Variants in PCSK5 observed in about 807,000 individuals in gnomAD.
PCSK5 encodes prohormone convertase 5.
A neutral mutation model predicts 233.2 loss-of-function variants in PCSK5; 129 were observed. The ratio of observed to expected loss-of-function variants is 0.55; its 90% CI spans 0.48 to 0.64. The LOEUF is 0.64. PCSK5 is among the 30% of genes least tolerant of loss of function. The probability of loss-of-function intolerance (pLI) is 0.00; values close to 1 mark genes in which losing one functional copy is unlikely to be tolerated. For missense variants in PCSK5, 2,076 were observed against 2,430.1 expected, an observed-to-expected ratio of 0.85 and a Z score of 3.06; for synonymous variants, 825 against 879.2, an observed-to-expected ratio of 0.94 and a Z score of 1.09.
intron 24 of PCSK5, among the ~76,000 whole-genome samples, chr9:76,255,924 C>T (rs1463011395): frequency 6.6e-6 from 1 of 152,186 alleles, no homozygotes; most frequent in Non-Finnish European, 1.5e-5. Context: ...AGTTACACAG[C>T]TAGCAAGTGT....
chr9:75,997,675 G>A (rs1166547195), intron 3 of PCSK5, among the ~76,000 whole-genome samples: 2 of 152,172 alleles, frequency 1.3e-5, no homozygotes, highest in Admixed American at 6.5e-5. Context: ...GGTTCAGAAT[G>A]CAGAGGTGTT....
chr9:76,239,404 T>C (rs887952903), intron 23 of PCSK5, among the ~76,000 whole-genome samples: 1 of 152,034 alleles, frequency 6.6e-6, no homozygotes, highest in Non-Finnish European at 1.5e-5. Flanking sequence ...CTTAAGTGTA[T>C]AGAAAATTGG....
chr9:76,110,240 T>TC, intron 9 of PCSK5, among the ~76,000 whole-genome samples: 1 of 152,194 alleles, frequency 6.6e-6, no homozygotes, highest in Non-Finnish European at 1.5e-5. Context: ...CTGCCAGGGT[T>TC]CATTCAGTAA....
intron 21 of PCSK5, among the ~76,000 whole-genome samples, chr9:76,229,060 A>G (rs1825989214): frequency 6.6e-6 from 1 of 152,216 alleles, no homozygotes; most frequent in Non-Finnish European, 1.5e-5. Context: ...AGGAGAAAGG[A>G]CCGAAGAAGA....
At position 76,046,187 on chromosome 9, in the gene PCSK5, T is replaced by G. The variant is rs1298315585; in HGVS notation, c.632+19150T>G. 5.6e-4 allele frequency among the ~76,000 whole-genome samples: 59 copies of G among 104,650 alleles called. 1 individual carries two copies. The highest frequency in any genetic ancestry group is 4.9e-3 in the Middle Eastern group (1 of 204). 68.7% of individuals were successfully genotyped at this position (104,650 alleles called of 152,430 possible). On this transcript the variant is annotated intron_variant, in intron 5 of 37. Coordinates refer to ENST00000674117, the MANE Select transcript of PCSK5 (RefSeq NM_001372043.1). ...TTTTTTTTTTTTTTTTTTTTTTTTT[T>G]TTTTTTTTGAGACGGAGTCTCGCCC...
intron 2 of PCSK5, among the ~76,000 whole-genome samples, chr9:75,942,930 G>T (rs573761643): frequency 8.9e-4 from 113 of 127,172 alleles, no homozygotes; most frequent in Non-Finnish European, 1.6e-3. Flanking sequence ...TGTCACCCAC[G>T]CTGGAGAGCA....
At chr9:76,316,038 A>G (rs1421969322) in intron 30 of PCSK5, among the ~76,000 whole-genome samples, 1 of 141,482 alleles carries the variant, frequency 7.1e-6, no homozygotes, top group Admixed American at 7.8e-5. Context: ...AAAAAGATTT[A>G]TTCGTGTTGC....
chr9:75,979,651 AGTT>A (rs1563951929), intron 2 of PCSK5, among the ~76,000 whole-genome samples: 1 of 152,220 alleles, frequency 6.6e-6, no homozygotes, highest in Non-Finnish European at 1.5e-5. Context: ...AAAGGTACAC[AGTT>A]GTTCTAGACG....
intron 32 of PCSK5, among the ~76,000 whole-genome samples, chr9:76,326,078 G>A (rs146948556): frequency 3.3e-5 from 5 of 152,216 alleles, no homozygotes; most frequent in African/African-American, 1.2e-4. Flanking sequence ...GAAGCGTTTA[G>A]AATGGAGCAA....
intron 5 of PCSK5, among the ~76,000 whole-genome samples, chr9:76,056,721 C>T (rs1015498268): frequency 1.3e-5 from 2 of 152,088 alleles, no homozygotes; most frequent in Admixed American, 6.6e-5. Context: ...AATTATGTAA[C>T]AAATTGTTTC....
chr9:76,332,497 C>T lies in PCSK5; in HGVS notation c.4635C>T (p.Ala1545=), dbSNP rs981219492. The T allele has an allele frequency of 1.9e-6, 3 of 1,612,528 alleles. No individual in the cohort carries two copies. The highest frequency in any genetic ancestry group is 1.7e-6 in the Non-Finnish European group (2 of 1,179,550). Residue 1545 remains alanine (A), a synonymous_variant, in exon 34 of 38, where the codon GCC becomes GCT. Transcript: ENST00000674117. Reference sequence around the variant, plus strand: ...CCGATGAGGACAGCAACCGGTGTGCCCACTGCCACAGCTCTTGCAGGACAT... The same window carrying T: ...CCGATGAGGACAGCAACCGGTGTGCTCACTGCCACAGCTCTTGCAGGACAT... ...YYADEDSNRC[A]HCHSSCRTCE...
At chr9:76,004,581 G>A (rs184283784) in intron 3 of PCSK5, among the ~76,000 whole-genome samples, 1 of 152,094 alleles carries the variant, frequency 6.6e-6, no homozygotes, top group Admixed American at 6.5e-5. Context: ...TTACATCAGT[G>A]CTTGCGAGGT....
rs1230191426 is a variant in PCSK5 at position 76,325,644 on chromosome 9, C to CTTTCTTTTTTTTTTTTTTTTT, written c.4339+2359_4339+2360insCTTTTTTTTTTTTTTTTTTTT. Among the ~76,000 whole-genome samples, 8 of 150,456 alleles carry CTTTCTTTTTTTTTTTTTTTTT rather than the reference C, an allele frequency of 5.3e-5. 1 individual carries two copies. Among genetic ancestry groups the CTTTCTTTTTTTTTTTTTTTTT allele is most frequent in the African/African-American group, 1.5e-4 (6 of 40,634 alleles). ...TCTCCCTACAATGACATTGCACTTTCTTTTTTTTGAGACGGAGTTTTGCTC... is the reference window on the plus strand; with the variant it reads ...TCTCCCTACAATGACATTGCACTTTCTTTCTTTTTTTTTTTTTTTTTTTTTTTTTGAGACGGAGTTTTGCTC... On this transcript the variant is annotated intron_variant, in intron 32 of 37. Transcript: ENST00000674117.
chr9:76,201,226 T>C (rs1824902540), intron 20 of PCSK5, among the ~76,000 whole-genome samples: 1 of 152,166 alleles, frequency 6.6e-6, no homozygotes, highest in South Asian at 2.1e-4. Flanking sequence ...TAAACTGTCA[T>C]CACCAGAGAA....
At chr9:76,015,227 T>C (rs1161574676) in intron 3 of PCSK5, among the ~76,000 whole-genome samples, 2 of 152,214 alleles carry the variant, frequency 1.3e-5, no homozygotes, top group East Asian at 3.9e-4. Flanking sequence ...GCAAATTCAC[T>C]CTTCCTCTGA....
At chr9:76,319,421 G>T (rs2131455225) in intron 30 of PCSK5, among the ~76,000 whole-genome samples, 1 of 127,088 alleles carries the variant, frequency 7.9e-6, no homozygotes, top group Admixed American at 7.5e-5. Flanking sequence ...TTAATCATTA[G>T]CTTTTAATAT....
chr9:75,896,722 A>C lies in PCSK5; in HGVS notation c.192+5349A>C, dbSNP rs538459738. On this transcript the variant is annotated intron_variant, in intron 1 of 37. Coordinates refer to ENST00000674117, the MANE Select transcript of PCSK5 (RefSeq NM_001372043.1). ...AGAATACACACACACACACATATAT[A>C]CACATATACTTATATATGATATATA... is the stretch of plus-strand genomic sequence containing the variant. Among the ~76,000 whole-genome samples the C allele has an allele frequency of 3.4e-5, 5 of 145,180 alleles. No individual in the cohort carries two copies. In the East Asian group the frequency reaches 9.6e-4, roughly 28 times the overall value.
intron 2 of PCSK5, among the ~76,000 whole-genome samples, chr9:75,940,140 G>T (rs1010944209): frequency 9.9e-5 from 15 of 152,116 alleles, no homozygotes; most frequent in African/African-American, 3.6e-4. Context: ...AATCAAAGAG[G>T]CTTCACCATC....
chr9:75,929,297 T>C (rs897579981), intron 1 of PCSK5, among the ~76,000 whole-genome samples: 3 of 152,208 alleles, frequency 2.0e-5, no homozygotes, highest in East Asian at 3.9e-4. Flanking sequence ...TGTTGAGCCA[T>C]GCACTAGGAG....
Sources: gnomAD v4.1 joint callset for allele counts (sites outside exome capture counted in the v4.1 genomes callset) on GRCh38, gnomAD v4.1.1 for gene constraint, MANE v1.5 for transcripts, NCBI Gene and HGNC (gene_info 2026-07-23, HGNC 2026-07-21) for gene names.